The following LGALS12 variants were observed in gnomAD, a reference collection of about 807,000 sequenced individuals.
LGALS12 encodes the protein galectin 12, also known as galectin-12.
Under a neutral mutation model 36.8 loss-of-function variants are expected in LGALS12, and 36 were observed. The ratio of observed to expected loss-of-function variants is 0.98; its 90% CI spans 0.75 to 1.29. The LOEUF (loss-of-function observed/expected upper bound fraction) is 1.29. Among genes scored for constraint, LGALS12 ranks in the 50% most tolerant of loss-of-function variants. The pLI is 0.00. For missense variants in LGALS12, 366 were observed against 394.3 expected, an observed-to-expected ratio of 0.93 and a Z score of 0.61; for synonymous variants, 145 against 155.9, an observed-to-expected ratio of 0.93 and a Z score of 0.52.
intron 8 of LGALS12, 21 bp from the exon 9 acceptor site, chr11:63,516,226 C>T (rs1489734893): frequency 1.9e-6 from 3 of 1,541,884 alleles, no homozygotes; most frequent in East Asian, 2.3e-5. Flanking sequence ...GCTGCAACCC[C>T]CTCATGTCCT....
intron 7 of LGALS12, 106 bp from the exon 8 acceptor site, chr11:63,515,457 C>T: frequency 1.5e-6 from 2 of 1,345,612 alleles, no homozygotes; most frequent in East Asian, 2.3e-5. Flanking sequence ...GCTGAAGCAG[C>T]TCAACCTTCC....
At chr11:63,507,059 T>G (rs1476579053) in intron 1 of LGALS12, among the ~76,000 whole-genome samples, 1 of 152,164 alleles carries the variant, frequency 6.6e-6, no homozygotes, top group African/African-American at 2.4e-5. Flanking sequence ...TTCCCTTACT[T>G]GGCCCTCCCC....
chr11:63,507,336 T>C lies in LGALS12; in HGVS notation c.69+809T>C, dbSNP rs141128087. Among the ~76,000 whole-genome samples the C allele has an allele frequency of 3.8e-3, 583 of 152,258 alleles. 2 individuals are homozygous for C. Among genetic ancestry groups the C allele is most frequent in the African/African-American group, 0.014 (561 of 41,536 alleles). On this transcript the variant is annotated intron_variant, in intron 1 of 8. Coordinates refer to ENST00000394618, the MANE Select transcript of LGALS12 (RefSeq NM_033101.4). ...AGGTGGTTTGGGTTCCTAAAGGTTG[T>C]TGGGAGTTAGAGAGCAACACAGGAA...
intron 7 of LGALS12, among the ~76,000 whole-genome samples, chr11:63,513,631 G>A (rs532593591): frequency 7.9e-5 from 12 of 152,280 alleles, no homozygotes; most frequent in African/African-American, 2.9e-4. Context: ...GGTATTTAGC[G>A]AGGCTGCAAC....
chr11:63,506,507 C>G lies in LGALS12; in HGVS notation c.49C>G (p.Gln17Glu), dbSNP rs753041749. The change falls in exon 1 of 9, where the codon CAA (glutamine) becomes GAA (glutamate). Residue 17 changes from glutamine (Q) to glutamate (E), a missense_variant. By Grantham distance (29) the Gln-to-Glu change is conservative (BLOSUM62 2). Transcript: ENST00000394618. ...LDPIPDSFIL[Q>E]PPVFHPVVPY... Reference sequence around the variant, plus strand: ...CCCAATTCCTGACAGCTTCATTCTGCAACCACCAGTCTTCCACCCGGTGAG... The same window carrying G: ...CCCAATTCCTGACAGCTTCATTCTGGAACCACCAGTCTTCCACCCGGTGAG... The G allele has an allele frequency of 6.2e-7, 1 of 1,614,212 alleles. No homozygotes were observed. The highest frequency in any genetic ancestry group is 2.2e-5 in the East Asian group (1 of 44,894).
chr11:63,512,908 A>G (rs1238219458), intron 7 of LGALS12, among the ~76,000 whole-genome samples: 1 of 152,094 alleles, frequency 6.6e-6, no homozygotes, highest in Non-Finnish European at 1.5e-5. Context: ...CAATCATCTC[A>G]GTGGAGGTAG....
intron 6 of LGALS12, 33 bp from the exon 7 acceptor site, chr11:63,511,719 G>T: frequency 6.5e-7 from 1 of 1,537,342 alleles, no homozygotes; most frequent in Middle Eastern, 1.7e-4. Flanking sequence ...CCCCCTGGAA[G>T]TCAACTTCTC....
intron 6 of LGALS12, 152 bp from the exon 7 acceptor site, chr11:63,511,600 G>A (rs556297128): frequency 1.6e-6 from 1 of 625,686 alleles, no homozygotes; most frequent in Non-Finnish European, 2.9e-6. Flanking sequence ...ACAGAGTACA[G>A]GAGGCCAGGT....
chr11:63,511,645 C>A, intron 6 of LGALS12, 107 bp from the exon 7 acceptor site: 1 of 746,194 alleles, frequency 1.3e-6, no homozygotes, highest in Non-Finnish European at 2.3e-6. Flanking sequence ...TGGCGGCAGG[C>A]CTGGGCAGAA....
At chr11:63,508,191 A>G in intron 1 of LGALS12, 2 of 1,108,372 alleles carry the variant, frequency 1.8e-6, no homozygotes, top group Non-Finnish European at 2.2e-6. Context: ...AGTCCTCAGA[A>G]AGCCCCAGTA....
intron 7 of LGALS12, among the ~76,000 whole-genome samples, chr11:63,514,312 C>T (rs2017013930): frequency 6.6e-6 from 1 of 152,208 alleles, no homozygotes; most frequent in Non-Finnish European, 1.5e-5. Context: ...TGGCTCAAGC[C>T]TGTAATCCCA....
At chr11:63,510,332 A>G in intron 4 of LGALS12, 131 bp from the exon 5 acceptor site, 7 of 847,254 alleles carry the variant, frequency 8.3e-6, no homozygotes, top group Non-Finnish European at 1.4e-5. Context: ...TGCCAGCAAG[A>G]AGCTACCACT....
chr11:63,510,370 T>C (rs2016880522), intron 4 of LGALS12, 93 bp from the exon 5 acceptor site: 3 of 1,253,048 alleles, frequency 2.4e-6, no homozygotes, highest in South Asian at 2.4e-5. Flanking sequence ...CATGAGGAGC[T>C]GTAAAGGCCA....
rs775669884 is a variant in LGALS12, at chr11:63,509,763, T to C, written c.373-15T>C. 6.2e-6 allele frequency: 10 copies of C among 1,613,328 alleles called. No individual in the cohort carries two copies. The highest frequency in any genetic ancestry group is 8.5e-6 in the Non-Finnish European group (10 of 1,179,620). On this transcript the variant is annotated splice_polypyrimidine_tract_variant and intron_variant, in intron 3 of 8. Transcript: ENST00000394618. ...CATTAGCTGCTGATAAGCCAGCCTC[T>C]GTCTGTCTCTCCAGGTGAGTGTGAA...
Position 63,511,736 on chromosome 11 carries a change from TC to T in LGALS12, c.559-13del. ...CCCTGGAAGTCAACTTCTCAATACC[TC>T]CCTTGTTCCTTCAGGAGGTGCCCTG... On this transcript the variant is annotated splice_polypyrimidine_tract_variant and intron_variant, in intron 6 of 8. Coordinates refer to ENST00000394618, the MANE Select transcript of LGALS12 (RefSeq NM_033101.4). The T allele has an allele frequency of 6.3e-7, 1 of 1,599,026 alleles. No homozygotes were observed. The highest frequency in any genetic ancestry group is 8.6e-7 in the Non-Finnish European group (1 of 1,166,994).
chr11:63,509,645 A>G (rs955270522), intron 3 of LGALS12, 133 bp from the exon 4 acceptor site: 2 of 879,756 alleles, frequency 2.3e-6, no homozygotes, highest in African/African-American at 1.7e-5. Flanking sequence ...TGTAAAATGT[A>G]CCTACCTCAT....
chr11:63,510,111 G>A (rs901222696), intron 4 of LGALS12, among the ~76,000 whole-genome samples: 30 of 152,314 alleles, frequency 2.0e-4, no homozygotes, highest in Non-Finnish European at 3.7e-4. Flanking sequence ...TCCAGGAGCC[G>A]CAGGCAGGAG....
rs779838403 is a variant in LGALS12, at chr11:63,510,524, C to G, written c.531+23C>G. The G allele has an allele frequency of 1.2e-5, 19 of 1,612,496 alleles. No individual in the cohort carries two copies. The South Asian group carries it at 1.6e-4, about 14-fold the overall frequency. ...CATGTGAGTTTCTTGGCAGCAAGGT[C>G]TGAGCAGCCACACCAGCTGACCCGC... On this transcript the variant is annotated intron_variant, in intron 5 of 8. Transcript: ENST00000394618.
At chr11:63,512,598 G>C (rs990962745) in intron 7 of LGALS12, among the ~76,000 whole-genome samples, 8 of 152,088 alleles carry the variant, frequency 5.3e-5, no homozygotes, top group Admixed American at 2.6e-4. Context: ...AGACCAGCCT[G>C]ACCAACATGG....
Sources: gnomAD v4.1 joint callset for allele counts (sites outside exome capture counted in the v4.1 genomes callset) on GRCh38, gnomAD v4.1.1 for gene constraint, MANE v1.5 for transcripts, NCBI Gene and HGNC (gene_info 2026-07-23, HGNC 2026-07-21) for gene names.